The following GARNL3 variants were observed in gnomAD, a reference collection of about 807,000 sequenced individuals.
GARNL3 encodes the protein GTPase activating Rap/RanGAP domain like 3, also known as GTPase-activating Rap/Ran-GAP domain-like protein 3.
Under a neutral mutation model 125.0 loss-of-function variants are expected in GARNL3, and 63 were observed. The observed-to-expected ratio is 0.50, with a 90% CI of 0.41 to 0.62. GARNL3 has a LOEUF of 0.62. GARNL3 is among the 20% of genes least tolerant of loss of function. The probability of loss-of-function intolerance (pLI) is 0.00; values close to 1 mark genes in which losing one functional copy is unlikely to be tolerated. For missense variants in GARNL3, 994 were observed against 1,244.0 expected (o/e 0.80, Z 3.02); for synonymous variants, 439 against 457.5 (o/e 0.96, Z 0.52).
At chr9:127,268,828 A>G (rs984733245) in intron 1 of GARNL3, among the ~76,000 whole-genome samples, 3 of 152,180 alleles carry the variant, frequency 2.0e-5, no homozygotes, top group East Asian at 1.9e-4. Flanking sequence ...GATACCTCCT[A>G]TAAGTGAAAT....
intron 7 of GARNL3, among the ~76,000 whole-genome samples, chr9:127,327,481 C>A (rs2065610800): frequency 6.6e-6 from 1 of 152,150 alleles, no homozygotes; most frequent in Non-Finnish European, 1.5e-5. Context: ...AAAGGATGCA[C>A]CCCAAATTGT....
At chr9:127,320,892 A>G (rs1194380720) in intron 6 of GARNL3, 114 bp downstream of exon 6, 2 of 688,014 alleles carry the variant, frequency 2.9e-6, no homozygotes, top group African/African-American at 3.6e-5. Flanking sequence ...CACCTATGCA[A>G]CTTTAAAAAA....
chr9:127,291,714 G>A lies in GARNL3; in HGVS notation c.219+472G>A, dbSNP rs79206221. Reference sequence around the variant, plus strand: ...GGGTCTTCCTTGCTGCAGGCCACAGGGACTCACCTTGCTTTTTTTTTTTTT... The same window carrying A: ...GGGTCTTCCTTGCTGCAGGCCACAGAGACTCACCTTGCTTTTTTTTTTTTT... On this transcript the variant is annotated intron_variant, in intron 2 of 27. Transcript: ENST00000373387. 5.9e-3 allele frequency among the ~76,000 whole-genome samples: 875 copies of A among 147,796 alleles called. 8 individuals are homozygous for A. Among genetic ancestry groups the A allele is most frequent in the African/African-American group, 0.021 (831 of 39,816 alleles).
Position 127,365,329 on chromosome 9 carries a change from C to T in GARNL3, c.2124C>T (p.Tyr708=), listed in dbSNP as rs200245040. The part of the protein sequence containing the change: ...RVNFVAAIDV[Y]EDGEAGLLLC... ...ATTTTGTTGCAGCTATTGATGTGTA[C>T]GAAGATGGAGAAGCTGGTTTGCTGT... is the stretch of plus-strand genomic sequence containing the variant. The change falls in exon 22 of 28, where the codon TAC becomes TAT. Residue 708 remains tyrosine, a synonymous_variant. Coordinates refer to ENST00000373387, the MANE Select transcript of GARNL3 (RefSeq NM_032293.5). 8.1e-6 allele frequency: 13 copies of T among 1,613,772 alleles called. No individual in the cohort carries two copies. The East Asian group carries it at 8.9e-5, about 11-fold the overall frequency.
intron 2 of GARNL3, among the ~76,000 whole-genome samples, chr9:127,302,152 C>T (rs573242951): frequency 2.0e-5 from 3 of 151,828 alleles, no homozygotes. Flanking sequence ...CCGTGTCAGC[C>T]AGGATGGTCT....
At chr9:127,295,255 C>T (rs1253680770) in intron 2 of GARNL3, among the ~76,000 whole-genome samples, 1 of 152,184 alleles carries the variant, frequency 6.6e-6, no homozygotes, top group Non-Finnish European at 1.5e-5. Flanking sequence ...TACACCTTGT[C>T]ATGGACTAGT....
At chr9:127,228,515 T>G (rs2062950628) in intron 1 of GARNL3, among the ~76,000 whole-genome samples, 1 of 152,220 alleles carries the variant, frequency 6.6e-6, no homozygotes, top group Non-Finnish European at 1.5e-5. Flanking sequence ...TAATTTGAAT[T>G]TCTTTGTTTC....
At chr9:127,335,563 A>T (rs7855101) in intron 10 of GARNL3, among the ~76,000 whole-genome samples, 1 of 151,984 alleles carries the variant, frequency 6.6e-6, no homozygotes, top group Non-Finnish European at 1.5e-5. Flanking sequence ...AATAATGTGC[A>T]TGCGTGTGTA....
At position 127,348,998 on chromosome 9, in the gene GARNL3, G is replaced by T; in HGVS notation, c.1506G>T (p.Leu502Phe). 2.5e-6 allele frequency: 4 copies of T among 1,614,006 alleles called. No homozygotes were observed. Among genetic ancestry groups the T allele is most frequent in the Non-Finnish European group, 3.4e-6 (4 of 1,179,948 alleles). ...AVCADPWGQA[L>F]LVSTDAGVLL... is the part of the protein sequence containing the mutation. Reference sequence around the variant, plus strand: ...GTGCAGATCCCTGGGGCCAGGCCTTGCTGGTTTCCACTGATGCTGGCGTCT... The same window carrying T: ...GTGCAGATCCCTGGGGCCAGGCCTTTCTGGTTTCCACTGATGCTGGCGTCT... Residue 502 changes from leucine (L) to phenylalanine (F), a missense_variant, in exon 17 of 28, where the codon TTG (leucine) becomes TTT (phenylalanine). By Grantham distance (22) the Leu-to-Phe change is conservative. This residue lies in a region of GARNL3 where 728 missense variants were observed against 865.7 expected (regional missense o/e 0.84). Coordinates refer to ENST00000373387, the MANE Select transcript of GARNL3 (RefSeq NM_032293.5).
intron 1 of GARNL3, among the ~76,000 whole-genome samples, chr9:127,231,020 A>C (rs1033060099): frequency 3.4e-5 from 3 of 87,778 alleles, no homozygotes; most frequent in Admixed American, 1.5e-4. Context: ...GTATATATAC[A>C]TATATGTATA....
chr9:127,313,673 G>A (rs780924057), intron 4 of GARNL3, 114 bp downstream of exon 4: 8 of 764,676 alleles, frequency 1.0e-5, no homozygotes, highest in South Asian at 3.0e-5. Flanking sequence ...TAGTCTTCTC[G>A]TGATTCACCT....
Position 127,349,075 on chromosome 9 carries a change from A to G in GARNL3, c.1543+40A>G, listed in dbSNP as rs182390116. On this transcript the variant is annotated intron_variant, in intron 17 of 27. Transcript: ENST00000373387. ...GCTCCTACAAATGTCTTTTTCATGTAACTTGTAGTACTTCTAAGATGAGTG... is the reference window on the plus strand; with the variant it reads ...GCTCCTACAAATGTCTTTTTCATGTGACTTGTAGTACTTCTAAGATGAGTG... 2.2e-6 allele frequency: 3 copies of G among 1,358,392 alleles called. No homozygotes were observed. The Admixed American group carries it at 5.0e-5, about 23-fold the overall frequency. The allele number at this position is 1,358,392 out of a possible 1,614,324, so 84.1% of individuals were successfully genotyped here.
At chr9:127,332,526 A>G (rs1012901890) in intron 8 of GARNL3, among the ~76,000 whole-genome samples, 177 bp downstream of exon 8, 5 of 152,162 alleles carry the variant, frequency 3.3e-5, no homozygotes, top group African/African-American at 1.2e-4. Flanking sequence ...TTCATTTGGC[A>G]AATATTTATT....
At chr9:127,373,292 TTTTA>T (rs1443116799) in intron 22 of GARNL3, among the ~76,000 whole-genome samples, 3 of 152,104 alleles carry the variant, frequency 2.0e-5, no homozygotes, top group African/African-American at 7.2e-5. Flanking sequence ...AGAGTGGGTG[TTTTA>T]GTGAGTTAGG....
chr9:127,291,205 C>A lies in GARNL3; in HGVS notation c.182C>A (p.Ala61Asp). ...SSDADGAIQR[A>D]GRFRVENGSS... ...GATGCTGATGGAGCCATCCAAAGGG[C>A]TGGAAGATTCAGAGTGGAAAATGGC... Residue 61 changes from alanine to aspartate, a missense_variant, in exon 2 of 28, where the codon GCT becomes GAT. Ala to Asp is a moderately radical substitution (Grantham distance 126). Transcript: ENST00000373387. 6.2e-7 allele frequency: 1 copy of A among 1,614,148 alleles called. No individual in the cohort carries two copies. Among genetic ancestry groups the A allele is most frequent in the Non-Finnish European group, 8.5e-7 (1 of 1,180,002 alleles).
chr9:127,276,386 T>G (rs1037943388), intron 1 of GARNL3, among the ~76,000 whole-genome samples: 4 of 152,120 alleles, frequency 2.6e-5, no homozygotes, highest in Admixed American at 6.5e-5. Flanking sequence ...CAGCATTTTT[T>G]TTTTTTTGAT....
intron 21 of GARNL3, chr9:127,362,851 G>A (rs1831087020): frequency 6.6e-6 from 1 of 152,156 alleles, no homozygotes; most frequent in Non-Finnish European, 1.5e-5. Context: ...GTTACCTCCT[G>A]GAGTCCTCAA....
chr9:127,383,368 T>C, intron 22 of GARNL3, 70 bp from the exon 23 acceptor site: 1 of 952,192 alleles, frequency 1.1e-6, no homozygotes, highest in Non-Finnish European at 1.6e-6. Flanking sequence ...TGCCTGTTTT[T>C]CATTTCTTTA....
intron 2 of GARNL3, among the ~76,000 whole-genome samples, chr9:127,243,934 G>C (rs73599239): frequency 6.6e-6 from 1 of 152,322 alleles, no homozygotes; most frequent in African/African-American, 2.4e-5. Context: ...AAGGCAGCCA[G>C]ATGCAACAAC....
Sources: gnomAD v4.1 joint callset for allele counts (sites outside exome capture counted in the v4.1 genomes callset) on GRCh38, gnomAD v4.1.1 for gene constraint, gnomAD v4.1.1 regional missense constraint, MANE v1.5 for transcripts, NCBI Gene and HGNC (gene_info 2026-07-23, HGNC 2026-07-21) for gene names.